Variants in KREMEN1 observed in about 807,000 individuals in gnomAD.
The protein encoded by KREMEN1 is kremen protein 1.
Under a neutral mutation model 46.5 loss-of-function variants are expected in KREMEN1, and 30 were observed. The observed-to-expected ratio is 0.65, with a 90% CI of 0.48 to 0.88. The LOEUF is 0.88. Among genes scored for constraint, KREMEN1 ranks in the 40% least tolerant of loss-of-function variants. The pLI is 0.00. For missense variants in KREMEN1, 533 were observed against 596.9 expected (o/e 0.89, Z 1.11); for synonymous variants, 214 against 230.6 (o/e 0.93, Z 0.65).
intron 3 of KREMEN1, among the ~76,000 whole-genome samples, chr22:29,103,331 C>T (rs1205169104): frequency 6.6e-6 from 1 of 152,078 alleles, no homozygotes; most frequent in African/African-American, 2.4e-5. Flanking sequence ...GAATGGTGGG[C>T]CATTGTGTGG....
At chr22:29,118,968 T>G (rs4823015) in intron 3 of KREMEN1, among the ~76,000 whole-genome samples, 77,008 of 151,766 alleles carry the variant, frequency 0.51, 20,319 homozygotes, top group East Asian at 0.91. Context: ...CAAATTGGGG[T>G]TTCCCACAAC....
At chr22:29,135,965 A>G (rs1299246635) in intron 5 of KREMEN1, among the ~76,000 whole-genome samples, 1 of 152,082 alleles carries the variant, frequency 6.6e-6, no homozygotes, top group African/African-American at 2.4e-5. Context: ...TCTGTTGCCC[A>G]GGCTGGAGTG....
chr22:29,079,884 TA>T (rs1296164951), intron 1 of KREMEN1, among the ~76,000 whole-genome samples: 1 of 152,244 alleles, frequency 6.6e-6, no homozygotes. Flanking sequence ...TCACAGTATG[TA>T]AATTACTTGC....
intron 1 of KREMEN1, among the ~76,000 whole-genome samples, chr22:29,091,345 C>G (rs1399760291): frequency 5.9e-5 from 9 of 152,106 alleles, no homozygotes; most frequent in Admixed American, 1.3e-4. Flanking sequence ...TCTCAGGAAC[C>G]CCACCTGTCC....
At chr22:29,089,602 GAATA>G (rs2037778410) in intron 1 of KREMEN1, among the ~76,000 whole-genome samples, 1 of 99,838 alleles carries the variant, frequency 1.0e-5, no homozygotes, top group African/African-American at 4.1e-5. Context: ...TCACAAAAAT[GAATA>G]AATAAAGATA....
intron 5 of KREMEN1, among the ~76,000 whole-genome samples, chr22:29,126,801 A>G (rs983446996): frequency 1.1e-4 from 16 of 152,168 alleles, no homozygotes; most frequent in Non-Finnish European, 2.1e-4. Flanking sequence ...CTTACAGTCA[A>G]TTGGTTTTTT....
At chr22:29,156,151 G>C (rs1281713941) in intron 9 of KREMEN1, among the ~76,000 whole-genome samples, 1 of 152,178 alleles carries the variant, frequency 6.6e-6, no homozygotes, top group Non-Finnish European at 1.5e-5. Context: ...CCCTGGACTA[G>C]ACATCTATTC....
chr22:29,137,574 C>A lies in KREMEN1; in HGVS notation c.864C>A (p.Ser288Arg). The change falls in exon 6 of 9, where the codon AGC becomes AGA. Residue 288 changes from serine (S) to arginine (R), a missense_variant. By Grantham distance (110) the Ser-to-Arg change is moderately radical. Transcript: ENST00000400335. ...HRVLARFHGRSRPPLSFNVSL... is the reference protein window; with the variant it reads ...HRVLARFHGRRRPPLSFNVSL... ...TCCTAGCCCGCTTCCACGGGAGGAG[C>A]CGCCCACCTCTGTCCTTCAACGTCT... is the stretch of plus-strand genomic sequence containing the variant. 1 of 1,613,824 alleles carries A rather than the reference C, an allele frequency of 6.2e-7. No individual in the cohort carries two copies. Among genetic ancestry groups the A allele is most frequent in the Non-Finnish European group, 8.5e-7 (1 of 1,179,720 alleles).
At chr22:29,141,247 G>GTC (rs903711121) in intron 8 of KREMEN1, among the ~76,000 whole-genome samples, 106 of 150,400 alleles carry the variant, frequency 7.0e-4, no homozygotes, top group African/African-American at 2.5e-3. Flanking sequence ...GTGTGTGTGT[G>GTC]TGTCTGCATG....
At chr22:29,165,188 A>G (rs2039042930) in intron 9 of KREMEN1, among the ~76,000 whole-genome samples, 1 of 151,790 alleles carries the variant, frequency 6.6e-6, no homozygotes, top group Non-Finnish European at 1.5e-5. Flanking sequence ...AATAAAAATA[A>G]AAATAAAGGC....
chr22:29,127,602 G>A (rs903069884), intron 5 of KREMEN1, among the ~76,000 whole-genome samples: 2 of 152,078 alleles, frequency 1.3e-5, no homozygotes, highest in Non-Finnish European at 1.5e-5. Flanking sequence ...GGTGGAGGTT[G>A]CAGTGAGCTG....
rs764960681 is a variant in KREMEN1, at chr22:29,080,941, C to CTCCTT, written c.97+7715_97+7716insCCTTT. ...GTCCTGATTGTATTATTTTTTTGTC[C>CTCCTT]TTTTTTTTTTTTTTTTTTTTTAGCG... is the stretch of plus-strand genomic sequence containing the variant. On this transcript the variant is annotated intron_variant, in intron 1 of 8. Coordinates refer to ENST00000400335, the MANE Select transcript of KREMEN1 (RefSeq NM_001039570.3). Among the ~76,000 whole-genome samples the CTCCTT allele has an allele frequency of 7.7e-4, 86 of 112,242 alleles. 1 individual carries two copies. The highest frequency in any genetic ancestry group is 2.8e-3 in the African/African-American group (81 of 28,460). 73.6% of individuals were successfully genotyped at this position (112,242 alleles called of 152,430 possible).
intron 4 of KREMEN1, among the ~76,000 whole-genome samples, 193 bp downstream of exon 4, chr22:29,121,674 G>T (rs1023137122): frequency 5.9e-5 from 9 of 152,224 alleles, no homozygotes; most frequent in African/African-American, 1.9e-4. Flanking sequence ...GGTTGCCAGA[G>T]GGTGGGAAGC....
At chr22:29,122,902 C>G (rs1372271693) in intron 4 of KREMEN1, among the ~76,000 whole-genome samples, 10 of 132,746 alleles carry the variant, frequency 7.5e-5, no homozygotes. Context: ...GATCGCACCA[C>G]TGCACTCCAG....
At position 29,146,290 on chromosome 22, in the gene KREMEN1, T is replaced by C. The variant is rs1173566516; in HGVS notation, c.*4178T>C. On this transcript the variant is annotated 3_prime_UTR_variant, in exon 9 of 9. Coordinates refer to ENST00000400335, the MANE Select transcript of KREMEN1 (RefSeq NM_001039570.3). The stretch of plus-strand genomic sequence containing the variant: ...CCTGGTGTGGGGTGTTTTTCAAGCC[T>C]TCCAGCCACAGCTGTCTCCCCTCAG... 35 of 985,850 alleles carry C rather than the reference T, an allele frequency of 3.6e-5. No individual in the cohort carries two copies. The highest frequency in any genetic ancestry group is 4.1e-5 in the Non-Finnish European group (34 of 830,014). 61.1% of individuals were successfully genotyped at this position (985,850 alleles called of 1,614,324 possible). A position where few individuals can be genotyped will look rare whatever the true frequency, so the allele number is the denominator to read the frequency against.
intron 2 of KREMEN1, among the ~76,000 whole-genome samples, chr22:29,095,596 C>T (rs867449556): frequency 6.6e-5 from 10 of 152,160 alleles, no homozygotes; most frequent in Admixed American, 2.0e-4. Context: ...ATACCCTGTC[C>T]CTGGTTCTAC....
intron 1 of KREMEN1, among the ~76,000 whole-genome samples, chr22:29,077,204 A>G (rs926690022): frequency 6.6e-6 from 1 of 152,234 alleles, no homozygotes; most frequent in Non-Finnish European, 1.5e-5. Context: ...AAGACAGTAA[A>G]TAATATGAGA....
At position 29,144,748 on chromosome 22, in the gene KREMEN1, T is replaced by C. The variant is rs2038826231; in HGVS notation, c.*2636T>C. 1 of 985,530 alleles carries C rather than the reference T, an allele frequency of 1.0e-6. No homozygotes were observed. The highest frequency in any genetic ancestry group is 1.1e-4 in the East Asian group (1 of 8,816). 61.0% of individuals were successfully genotyped at this position (985,530 alleles called of 1,614,324 possible). On this transcript the variant is annotated 3_prime_UTR_variant, in exon 9 of 9. Coordinates refer to ENST00000400335, the MANE Select transcript of KREMEN1 (RefSeq NM_001039570.3). ...GGGCAGTTGTTCAGTTGCCTGGGGC[T>C]GACACTGACCACTGGCCTCTGGGGT...
chr22:29,129,758 C>T lies in KREMEN1; in HGVS notation c.631+4342C>T, dbSNP rs12628556. On this transcript the variant is annotated intron_variant, in intron 5 of 8. Transcript: ENST00000400335. ...AGGGGCAGCTGGCAGAAGCTGTCTGCTCAGTCATCACTGCCACATCAAGTA... is the reference window on the plus strand; with the variant it reads ...AGGGGCAGCTGGCAGAAGCTGTCTGTTCAGTCATCACTGCCACATCAAGTA... Among the ~76,000 whole-genome samples, 1,174 of 152,264 alleles carry T rather than the reference C, an allele frequency of 7.7e-3. 15 individuals are homozygous for T. The highest frequency in any genetic ancestry group is 0.022 in the East Asian group (116 of 5,182).
Sources: gnomAD v4.1 joint callset for allele counts (sites outside exome capture counted in the v4.1 genomes callset) on GRCh38, gnomAD v4.1.1 for gene constraint, MANE v1.5 for transcripts, NCBI Gene and HGNC (gene_info 2026-07-23, HGNC 2026-07-21) for gene names.